NKAIN1: variants seen among roughly 807,000 people sequenced by gnomAD.
NKAIN1 encodes sodium/potassium-transporting ATPase subunit beta-1-interacting protein 1.
A neutral mutation model predicts 31.6 loss-of-function variants in NKAIN1; 13 were observed. The observed-to-expected ratio is 0.41, with a 90% CI of 0.27 to 0.65. NKAIN1 has a LOEUF of 0.65. Among genes scored for constraint, NKAIN1 ranks in the 30% least tolerant of loss-of-function variants. The pLI is 0.30. For missense variants in NKAIN1, 193 were observed against 262.2 expected (o/e 0.74, Z 1.82); for synonymous variants, 104 against 109.0 (o/e 0.95, Z 0.28).
At chr1:31,206,071 C>T (rs1396799187) in intron 1 of NKAIN1, among the ~76,000 whole-genome samples, 2 of 149,312 alleles carry the variant, frequency 1.3e-5, no homozygotes, top group East Asian at 2.0e-4. Context: ...CCCGTCTCTA[C>T]TAAAAATACA....
intron 1 of NKAIN1, among the ~76,000 whole-genome samples, chr1:31,213,003 T>C (rs1265875271): frequency 6.8e-6 from 1 of 147,924 alleles, no homozygotes; most frequent in Admixed American, 6.8e-5. Context: ...TCTCAAAAAA[T>C]AAATAAATAA....
intron 4 of NKAIN1, 77 bp from the exon 5 acceptor site, chr1:31,182,667 G>A (rs1014208172): frequency 4.6e-5 from 69 of 1,510,056 alleles, no homozygotes; most frequent in Middle Eastern, 3.4e-4. Context: ...GGCCCTGTAC[G>A]CTCTGACTGG....
intron 1 of NKAIN1, among the ~76,000 whole-genome samples, chr1:31,203,324 TCAGAAGGGG>T (rs1457627046): frequency 1.5e-5 from 1 of 66,686 alleles, no homozygotes; most frequent in African/African-American, 3.0e-5. Context: ...TGGATGTCCC[TCAGAAGGGG>T]TCACAGTCAA....
chr1:31,214,013 A>AT (rs1645490911), intron 1 of NKAIN1, among the ~76,000 whole-genome samples: 1 of 15,960 alleles, frequency 6.3e-5, no homozygotes, highest in South Asian at 1.4e-3. Flanking sequence ...ATAAAATAAA[A>AT]ATTAATTAAT....
intron 1 of NKAIN1, among the ~76,000 whole-genome samples, chr1:31,192,833 C>A (rs1400658248): frequency 1.3e-5 from 2 of 151,732 alleles, no homozygotes; most frequent in Non-Finnish European, 2.9e-5. Context: ...GGATTACAGG[C>A]GTGAGCCACC....
At chr1:31,225,175 C>A (rs1218608068) in intron 1 of NKAIN1, among the ~76,000 whole-genome samples, 1 of 149,770 alleles carries the variant, frequency 6.7e-6, no homozygotes. Flanking sequence ...CTACAGGCAC[C>A]CGCCACCACA....
rs1645184312 is a variant in NKAIN1, at chr1:31,179,873, G to A, written c.*1830C>T. ...AAAAACCATCTTATAAAAACAAAAG[G>A]CTTCAAAGCACCAGTGGCTACACCC... On this transcript the variant is annotated 3_prime_UTR_variant, in exon 7 of 7. Coordinates refer to ENST00000373736, the MANE Select transcript of NKAIN1 (RefSeq NM_024522.3). The A allele has an allele frequency of 6.6e-6, 1 of 152,328 alleles. No homozygotes were observed. The highest frequency in any genetic ancestry group is 2.1e-4 in the South Asian group (1 of 4,850). 9.4% of individuals were successfully genotyped at this position (152,328 alleles called of 1,614,324 possible). A position where few individuals can be genotyped will look rare whatever the true frequency, so the allele number is the denominator to read the frequency against.
At chr1:31,191,672 G>A (rs1047163497) in intron 1 of NKAIN1, among the ~76,000 whole-genome samples, 2 of 152,138 alleles carry the variant, frequency 1.3e-5, no homozygotes, top group East Asian at 3.9e-4. Flanking sequence ...GGCACCGAGG[G>A]CCCACTAGGA....
chr1:31,222,308 G>A (rs551690279), intron 1 of NKAIN1, among the ~76,000 whole-genome samples: 10 of 152,352 alleles, frequency 6.6e-5, no homozygotes, highest in Non-Finnish European at 1.0e-4. Context: ...TGCTGTGGCT[G>A]CAGAACATGT....
In NKAIN1 at chr1:31,180,581, T is replaced by C. The variant is rs1264308920; in HGVS notation, c.*1122A>G. 1 of 152,348 alleles carries C rather than the reference T, an allele frequency of 6.6e-6. No homozygotes were observed. Among genetic ancestry groups the C allele is most frequent in the African/African-American group, 2.4e-5 (1 of 41,432 alleles). The allele number at this position is 152,348 out of a possible 1,614,324, so 9.4% of individuals were successfully genotyped here. ...TCTGGGCAGCGCTGACCAGCATTGCTCCTCTCTGAAACCACAAGCCTTCCA... is the reference window on the plus strand; with the variant it reads ...TCTGGGCAGCGCTGACCAGCATTGCCCCTCTCTGAAACCACAAGCCTTCCA... On this transcript the variant is annotated 3_prime_UTR_variant, in exon 7 of 7. Coordinates refer to ENST00000373736, the MANE Select transcript of NKAIN1 (RefSeq NM_024522.3).
At chr1:31,229,862 G>T (rs922476679) in intron 1 of NKAIN1, among the ~76,000 whole-genome samples, 2 of 152,164 alleles carry the variant, frequency 1.3e-5, no homozygotes, top group African/African-American at 4.8e-5. Context: ...CCTTTGAGAT[G>T]ATGAGTCCAA....
At position 31,214,031 on chromosome 1, in the gene NKAIN1, T is replaced by A. The variant is rs1325769144; in HGVS notation, c.54+25463A>T. Among the ~76,000 whole-genome samples, 3 of 147,216 alleles carry A rather than the reference T, an allele frequency of 2.0e-5. No individual in the cohort carries two copies. The South Asian group carries it at 6.5e-4, about 32-fold the overall frequency. On this transcript the variant is annotated intron_variant, in intron 1 of 6. Coordinates refer to ENST00000373736, the MANE Select transcript of NKAIN1 (RefSeq NM_024522.3). ...AAATAAAAATTAATTAATTAATTAA[T>A]TAATTAATTAAACAAAATAAAAATT...
intron 1 of NKAIN1, among the ~76,000 whole-genome samples, chr1:31,232,686 C>G (rs1329503499): frequency 6.6e-6 from 1 of 151,590 alleles, no homozygotes; most frequent in East Asian, 1.9e-4. Flanking sequence ...GAGTCTCCTA[C>G]CACATAGAAT....
chr1:31,201,049 C>A (rs1042562506), intron 1 of NKAIN1, among the ~76,000 whole-genome samples: 3 of 151,788 alleles, frequency 2.0e-5, no homozygotes, highest in African/African-American at 7.3e-5. Context: ...GTCAGGCTCA[C>A]GCTCCCAGCA....
intron 3 of NKAIN1, 140 bp from the exon 4 acceptor site, chr1:31,184,154 G>A (rs897730943): frequency 1.5e-6 from 1 of 675,888 alleles, no homozygotes; most frequent in African/African-American, 1.8e-5. Flanking sequence ...CCAACAGGTG[G>A]CACTTAATGA....
intron 4 of NKAIN1, 147 bp downstream of exon 4, chr1:31,183,670 A>G (rs761970456): frequency 2.0e-5 from 16 of 795,944 alleles, no homozygotes; most frequent in African/African-American, 3.5e-5. Context: ...CTGGTCTTGA[A>G]CTCCTGACCT....
At chr1:31,216,872 T>G (rs1349133267) in intron 1 of NKAIN1, among the ~76,000 whole-genome samples, 5 of 151,782 alleles carry the variant, frequency 3.3e-5, no homozygotes, top group Non-Finnish European at 5.9e-5. Flanking sequence ...TTTTGTATTT[T>G]TGTGTGTGTG....
At position 31,179,819 on chromosome 1, in the gene NKAIN1, C is replaced by T. The variant is rs1236074451; in HGVS notation, c.*1884G>A. The T allele has an allele frequency of 2.0e-5, 3 of 152,228 alleles. No homozygotes were observed. Among genetic ancestry groups the T allele is most frequent in the African/African-American group, 7.2e-5 (3 of 41,424 alleles). 9.4% of individuals were successfully genotyped at this position (152,228 alleles called of 1,614,324 possible). A position where few individuals can be genotyped will look rare whatever the true frequency, so the allele number is the denominator to read the frequency against. The stretch of plus-strand genomic sequence containing the variant: ...AGAGCACTCCCCTCCTTGCAAGGTC[C>T]CAGTGAAAAGAGAACCTGGTCCCCT... On this transcript the variant is annotated 3_prime_UTR_variant, in exon 7 of 7. Transcript: ENST00000373736.
chr1:31,223,434 G>GTTTGT (rs1156851481), intron 1 of NKAIN1, among the ~76,000 whole-genome samples: 7 of 151,588 alleles, frequency 4.6e-5, no homozygotes, highest in African/African-American at 7.3e-5. Flanking sequence ...TGCTGGTACT[G>GTTTGT]TTTGTTTTGT....
Sources: allele counts gnomAD v4.1 joint callset (sites outside exome capture counted in the v4.1 genomes callset), GRCh38; gene constraint gnomAD v4.1.1; transcripts MANE v1.5; gene names NCBI Gene and HGNC (gene_info 2026-07-23, HGNC 2026-07-21).